GABPB2: variants seen among roughly 807,000 people sequenced by gnomAD.
GABPB2 encodes GA-binding protein subunit beta-2.
A neutral mutation model predicts 39.1 loss-of-function variants in GABPB2; 23 were observed. That is an observed-to-expected ratio of 0.59 (90% CI 0.42 to 0.83). The LOEUF (loss-of-function observed/expected upper bound fraction) is 0.83. Among genes scored for constraint, GABPB2 ranks in the 40% least tolerant of loss-of-function variants. The probability of loss-of-function intolerance (pLI) is 0.00; values close to 1 mark genes in which losing one functional copy is unlikely to be tolerated. For synonymous variants in GABPB2, 184 were observed against 199.3 expected (o/e 0.92, Z 0.65); for missense variants, 467 against 541.1 (o/e 0.86, Z 1.36).
intron 7 of GABPB2, among the ~76,000 whole-genome samples, chr1:151,116,305 A>C (rs1680854514): frequency 6.6e-6 from 1 of 151,194 alleles, no homozygotes; most frequent in South Asian, 2.1e-4. Flanking sequence ...GCAGGAGATC[A>C]CTTGAACCTG....
At chr1:151,071,784 C>T (rs1465832081) in intron 1 of GABPB2, among the ~76,000 whole-genome samples, 1 of 152,192 alleles carries the variant, frequency 6.6e-6, no homozygotes, top group Non-Finnish European at 1.5e-5. Flanking sequence ...GCCTCTGCTT[C>T]TTTCACAGTT....
At chr1:151,115,307 G>A (rs747755229) in intron 7 of GABPB2, among the ~76,000 whole-genome samples, 19 of 152,024 alleles carry the variant, frequency 1.2e-4, no homozygotes, top group South Asian at 4.2e-4. Flanking sequence ...GCGGTGAGCC[G>A]AGATCGCGCC....
intron 5 of GABPB2, 124 bp from the exon 6 acceptor site, chr1:151,103,438 G>A (rs1679697701): frequency 1.2e-5 from 7 of 608,694 alleles, no homozygotes; most frequent in African/African-American, 9.3e-5. Context: ...ATATCAGTTT[G>A]AGTTAGAGAA....
chr1:151,103,584 A>G lies in GABPB2; in HGVS notation c.645A>G (p.Val215=), dbSNP rs377195078. 13 of 1,613,768 alleles carry G rather than the reference A, an allele frequency of 8.1e-6. No individual in the cohort carries two copies. The African/African-American group carries it at 1.7e-4, about 22-fold the overall frequency. The stretch of plus-strand genomic sequence containing the variant: ...TAGGTGACCCCCATGCCTCAACAGT[A>G]CAGTTTTCAAATTCTACCACCTCAG... ...TTSGDPHAST[V]QFSNSTTSVL... Residue 215 remains valine, a synonymous_variant, in exon 6 of 9, where the codon GTA becomes GTG. Coordinates refer to ENST00000368918, the MANE Select transcript of GABPB2 (RefSeq NM_144618.3).
At chr1:151,117,367 C>G (rs1222498974) in intron 7 of GABPB2, 25 bp from the exon 8 acceptor site, 1 of 1,607,288 alleles carries the variant, frequency 6.2e-7, no homozygotes, top group Non-Finnish European at 8.5e-7. Context: ...TTCATCACCT[C>G]CAATTGGTGT....
At chr1:151,109,663 GT>G (rs920115346) in intron 7 of GABPB2, among the ~76,000 whole-genome samples, 1 of 149,968 alleles carries the variant, frequency 6.7e-6, no homozygotes, top group South Asian at 2.1e-4. Flanking sequence ...CCGGCCTATA[GT>G]TTTTTTTTGT....
At chr1:151,093,414 T>C (rs1244607414) in intron 4 of GABPB2, 28 bp downstream of exon 4, 1 of 1,495,926 alleles carries the variant, frequency 6.7e-7, no homozygotes, top group African/African-American at 1.4e-5. Context: ...CTCTCCAGAA[T>C]GTATGTTAAT....
intron 2 of GABPB2, 88 bp downstream of exon 2, chr1:151,088,385 C>T: frequency 7.8e-7 from 1 of 1,278,312 alleles, no homozygotes; most frequent in Middle Eastern, 1.9e-4. Context: ...ATTGGTTTTT[C>T]TTCACTCCCT....
chr1:151,093,507 A>C, intron 4 of GABPB2, 121 bp downstream of exon 4: 1 of 653,964 alleles, frequency 1.5e-6, no homozygotes, highest in African/African-American at 1.8e-5. Flanking sequence ...AATATGTCTC[A>C]ATCTTGTGAC....
rs1319010910 is a variant in GABPB2, at chr1:151,124,464, T to C, written c.*6208T>C. On this transcript the variant is annotated 3_prime_UTR_variant, in exon 9 of 9. Transcript: ENST00000368918. ...GCCCAGCCTCTTTTTTTTTTTTTTTTTCTCACCAGTATGATGATGACCATT... is the reference window on the plus strand; with the variant it reads ...GCCCAGCCTCTTTTTTTTTTTTTTTCTCTCACCAGTATGATGATGACCATT... The C allele has an allele frequency of 1.3e-5, 2 of 151,584 alleles. No homozygotes were observed. Among genetic ancestry groups the C allele is most frequent in the Non-Finnish European group, 2.9e-5 (2 of 67,918 alleles). 9.4% of individuals were successfully genotyped at this position (151,584 alleles called of 1,614,324 possible). A position where few individuals can be genotyped will look rare whatever the true frequency, so the allele number is the denominator to read the frequency against.
chr1:151,108,403 C>A (rs1680135835), intron 7 of GABPB2, among the ~76,000 whole-genome samples: 1 of 152,172 alleles, frequency 6.6e-6, no homozygotes, highest in Non-Finnish European at 1.5e-5. Flanking sequence ...AACTCCAGAC[C>A]TCAAGTGATC....
chr1:151,109,323 CA>C (rs1680204009), intron 7 of GABPB2, among the ~76,000 whole-genome samples: 1 of 132,496 alleles, frequency 7.5e-6, no homozygotes, highest in Non-Finnish European at 1.6e-5. Flanking sequence ...TATATACACA[CA>C]AATATATATA....
intron 1 of GABPB2, among the ~76,000 whole-genome samples, chr1:151,072,219 C>G (rs1676788558): frequency 6.6e-6 from 1 of 152,198 alleles, no homozygotes; most frequent in Non-Finnish European, 1.5e-5. Context: ...GTCAAGAGCT[C>G]AAGCACTTCA....
intron 1 of GABPB2, among the ~76,000 whole-genome samples, chr1:151,084,218 TTTTG>T (rs1283818660): frequency 3.3e-5 from 5 of 151,806 alleles, no homozygotes; most frequent in African/African-American, 4.8e-5. Flanking sequence ...AGCTGTTTTT[TTTTG>T]TTTGTTTGTT....
At chr1:151,071,255 G>T (rs1676686922) in intron 1 of GABPB2, among the ~76,000 whole-genome samples, 1 of 152,144 alleles carries the variant, frequency 6.6e-6, no homozygotes, top group East Asian at 1.9e-4. Flanking sequence ...GAGGCCTGTC[G>T]CCGAGGCTGA....
At chr1:151,079,014 A>C (rs775009720) in intron 1 of GABPB2, among the ~76,000 whole-genome samples, 13 of 152,064 alleles carry the variant, frequency 8.5e-5, no homozygotes, top group African/African-American at 2.9e-4. Context: ...GGTTAACTCA[A>C]AAGAGTAACT....
chr1:151,110,059 G>A (rs146943104), intron 7 of GABPB2, among the ~76,000 whole-genome samples: 3 of 108,148 alleles, frequency 2.8e-5, no homozygotes, highest in South Asian at 3.4e-4. Flanking sequence ...ACAGGGTTTC[G>A]CCATGTTGGC....
rs1681287324 is a variant in GABPB2 at position 151,124,099 on chromosome 1, A to G, written c.*5843A>G. Reference sequence around the variant, plus strand: ...CGGGCGCGGTGGCTCACAAAAAAAAAAAAAAGAAAGAAAAAGGAAAAAAAG... The same window carrying G: ...CGGGCGCGGTGGCTCACAAAAAAAAGAAAAAGAAAGAAAAAGGAAAAAAAG... On this transcript the variant is annotated 3_prime_UTR_variant, in exon 9 of 9. Coordinates refer to ENST00000368918, the MANE Select transcript of GABPB2 (RefSeq NM_144618.3). 1 of 116,028 alleles carries G rather than the reference A, an allele frequency of 8.6e-6. No individual in the cohort carries two copies. Among genetic ancestry groups the G allele is most frequent in the Non-Finnish European group, 1.9e-5 (1 of 54,004 alleles). 7.2% of individuals were successfully genotyped at this position (116,028 alleles called of 1,614,324 possible). A position where few individuals can be genotyped will look rare whatever the true frequency, so the allele number is the denominator to read the frequency against.
intron 2 of GABPB2, among the ~76,000 whole-genome samples, chr1:151,089,194 A>G (rs1678461251): frequency 6.6e-6 from 1 of 152,074 alleles, no homozygotes; most frequent in African/African-American, 2.4e-5. Flanking sequence ...TGAATGAGTG[A>G]CCTCTATTCT....
Sources: allele counts gnomAD v4.1 joint callset (sites outside exome capture counted in the v4.1 genomes callset), GRCh38; gene constraint gnomAD v4.1.1; transcripts MANE v1.5; gene names NCBI Gene and HGNC (gene_info 2026-07-23, HGNC 2026-07-21).